The following ABTB2 variants were observed in gnomAD, a reference collection of about 807,000 sequenced individuals.
ABTB2 encodes ankyrin repeat and BTB/POZ domain-containing protein 2.
A neutral mutation model predicts 104.1 loss-of-function variants in ABTB2; 56 were observed. The observed-to-expected ratio is 0.54, with a 90% CI of 0.43 to 0.67. The LOEUF is 0.67. Among genes scored for constraint, ABTB2 ranks in the 30% least tolerant of loss-of-function variants. ABTB2 has a pLI of 0.00. For missense variants in ABTB2, 1,279 were observed against 1,407.7 expected (o/e 0.91, Z 1.46); for synonymous variants, 606 against 608.2 (o/e 1.00, Z 0.05).
intron 1 of ABTB2, among the ~76,000 whole-genome samples, chr11:34,279,275 C>T (rs1242691232): frequency 6.6e-6 from 1 of 152,110 alleles, no homozygotes; most frequent in East Asian, 1.9e-4. Flanking sequence ...TTATATTTAT[C>T]TTTTTAAATA....
rs760142185 is a variant in ABTB2 at position 34,344,706 on chromosome 11, C to T, written c.883+11995G>A. On this transcript the variant is annotated intron_variant, in intron 1 of 16. Transcript: ENST00000435224. ...AGAAACGGGGTTTCACCGTGTTGCCCGGTCTGATCTCGAACTCCTGGACTC... is the reference window on the plus strand; with the variant it reads ...AGAAACGGGGTTTCACCGTGTTGCCTGGTCTGATCTCGAACTCCTGGACTC... 3.3e-5 allele frequency among the ~76,000 whole-genome samples: 5 copies of T among 152,308 alleles called. No individual in the cohort carries two copies. The East Asian group carries it at 5.8e-4, about 18-fold the overall frequency.
intron 12 of ABTB2, 87 bp from the exon 13 acceptor site, chr11:34,160,095 G>A: frequency 2.3e-6 from 3 of 1,304,942 alleles, no homozygotes; most frequent in Non-Finnish European, 3.3e-6. Context: ...CGTGTCTGGG[G>A]TTGGGGGTGG....
chr11:34,286,083 G>C (rs1303167484), intron 1 of ABTB2, among the ~76,000 whole-genome samples: 1 of 151,976 alleles, frequency 6.6e-6, no homozygotes, highest in East Asian at 1.9e-4. Context: ...GCAGAGGCAG[G>C]ATGACTGCCT....
chr11:34,201,465 T>A (rs1220531986), intron 2 of ABTB2, among the ~76,000 whole-genome samples: 1 of 152,142 alleles, frequency 6.6e-6, no homozygotes, highest in East Asian at 1.9e-4. Flanking sequence ...CCCTTTAAAA[T>A]TTTTGCGGGT....
At position 34,310,718 on chromosome 11, in the gene ABTB2, C is replaced by T. The variant is rs771216294; in HGVS notation, c.883+45983G>A. On this transcript the variant is annotated intron_variant, in intron 1 of 16. Transcript: ENST00000435224. ...CAAGTCCTCCTACCCAACTGGGTCA[C>T]GGACCCCTGTTTAAGAAGGAACATG... Among the ~76,000 whole-genome samples the T allele has an allele frequency of 3.3e-5, 5 of 152,264 alleles. No individual in the cohort carries two copies. In the East Asian group the frequency reaches 5.8e-4, roughly 18 times the overall value.
rs544133452 is a variant in ABTB2 at position 34,182,922 on chromosome 11, T to C, written c.1245-9615A>G. 2.4e-4 allele frequency among the ~76,000 whole-genome samples: 37 copies of C among 152,204 alleles called. No homozygotes were observed. The East Asian group carries it at 7.2e-3, about 29-fold the overall frequency. Reference sequence around the variant, plus strand: ...GAGAGGTGAGGTCACTTGCCCTATGTCATGCACCTGCCAAGGAGCAGAGCT... The same window carrying C: ...GAGAGGTGAGGTCACTTGCCCTATGCCATGCACCTGCCAAGGAGCAGAGCT... On this transcript the variant is annotated intron_variant, in intron 3 of 16. Transcript: ENST00000435224.
chr11:34,350,708 C>T (rs1855388296), intron 1 of ABTB2, among the ~76,000 whole-genome samples: 1 of 152,350 alleles, frequency 6.6e-6, no homozygotes, highest in South Asian at 2.1e-4. Context: ...AGGCCATTAA[C>T]AAACAAGACC....
At chr11:34,330,615 G>A (rs1855117323) in intron 1 of ABTB2, among the ~76,000 whole-genome samples, 2 of 152,220 alleles carry the variant, frequency 1.3e-5, no homozygotes, top group Admixed American at 6.5e-5. Flanking sequence ...ACATCATAGT[G>A]TGGGGTAAAG....
At chr11:34,152,619 G>C in intron 16 of ABTB2, 35 bp from the exon 17 acceptor site, 1 of 1,577,806 alleles carries the variant, frequency 6.3e-7, no homozygotes. Flanking sequence ...GAAGCCCATC[G>C]CCTTAGTACA....
chr11:34,235,915 AG>A (rs1441319431), intron 1 of ABTB2, among the ~76,000 whole-genome samples: 1 of 152,222 alleles, frequency 6.6e-6, no homozygotes, highest in Non-Finnish European at 1.5e-5. Context: ...CAGGCAGCAA[AG>A]CCCTAAACAG....
At chr11:34,173,800 G>A (rs1852920979) in intron 3 of ABTB2, among the ~76,000 whole-genome samples, 1 of 152,194 alleles carries the variant, frequency 6.6e-6, no homozygotes, top group Non-Finnish European at 1.5e-5. Flanking sequence ...ACCCAGGGCT[G>A]CCACCAGCAG....
chr11:34,355,893 TC>T lies in ABTB2; in HGVS notation c.883+807del, dbSNP rs143959395. On this transcript the variant is annotated intron_variant, in intron 1 of 16. Coordinates refer to ENST00000435224, the MANE Select transcript of ABTB2 (RefSeq NM_145804.3). The stretch of plus-strand genomic sequence containing the variant: ...AAGTGCAACCACCCAATGGTTCCTT[TC>T]CCAGACTTGACCCCATGCGGTTACC... Among the ~76,000 whole-genome samples the T allele has an allele frequency of 4.1e-3, 619 of 152,290 alleles. 6 individuals are homozygous for T. Among genetic ancestry groups the T allele is most frequent in the African/African-American group, 0.014 (579 of 41,550 alleles).
At chr11:34,165,453 C>T in intron 7 of ABTB2, 97 bp from the exon 8 acceptor site, 1 of 974,978 alleles carries the variant, frequency 1.0e-6, no homozygotes, top group Non-Finnish European at 1.5e-6. Flanking sequence ...TTGCTTCTCT[C>T]CAGGCATGTG....
chr11:34,308,882 A>G (rs1453835691), intron 1 of ABTB2, among the ~76,000 whole-genome samples: 15 of 150,824 alleles, frequency 9.9e-5, no homozygotes, highest in Non-Finnish European at 1.5e-5. Context: ...AAAAAAAAAA[A>G]AAAAAGAAAA....
intron 1 of ABTB2, among the ~76,000 whole-genome samples, chr11:34,329,695 T>C (rs1303197986): frequency 6.6e-6 from 1 of 152,186 alleles, no homozygotes; most frequent in African/African-American, 2.4e-5. Flanking sequence ...GGCTGCCAGA[T>C]AATGGAGCCA....
At chr11:34,348,633 A>C (rs1855362288) in intron 1 of ABTB2, among the ~76,000 whole-genome samples, 1 of 152,258 alleles carries the variant, frequency 6.6e-6, no homozygotes, top group African/African-American at 2.4e-5. Context: ...CCAGACAGCC[A>C]GGAGTCATCT....
In ABTB2 at chr11:34,154,313, G is replaced by A; in HGVS notation, c.2832C>T (p.Ser944=). 2 of 1,614,096 alleles carry A rather than the reference G, an allele frequency of 1.2e-6. No homozygotes were observed. The highest frequency in any genetic ancestry group is 1.7e-6 in the Non-Finnish European group (2 of 1,180,004). Reference sequence around the variant, plus strand: ...CGGCACTCTCCATGCTGAGGGTCTGGGAGCACAGGATCTCGCAGTGCCTCT... The same window carrying A: ...CGGCACTCTCCATGCTGAGGGTCTGAGAGCACAGGATCTCGCAGTGCCTCT... The part of the protein sequence containing the change: ...ALQRHCEILC[S]QTLSMESAVN... The change falls in exon 16 of 17, where the codon TCC becomes TCT. Residue 944 remains serine, a synonymous_variant. Coordinates refer to ENST00000435224, the MANE Select transcript of ABTB2 (RefSeq NM_145804.3). This position sits in a 1 kb window ranked among gnomAD's most constrained non-coding sequence, Gnocchi z 4.9.
At chr11:34,182,218 T>TA (rs1418445881) in intron 3 of ABTB2, among the ~76,000 whole-genome samples, 6 of 152,146 alleles carry the variant, frequency 3.9e-5, no homozygotes, top group African/African-American at 1.4e-4. Flanking sequence ...CCACGTAGGA[T>TA]AAAAAACCAA....
chr11:34,153,018 C>T (rs1347123083), intron 16 of ABTB2, among the ~76,000 whole-genome samples: 1 of 152,074 alleles, frequency 6.6e-6, no homozygotes, highest in Non-Finnish European at 1.5e-5. Flanking sequence ...CTGCTGATGT[C>T]CTAGTTTGGG....
Sources: gnomAD v4.1 joint callset for allele counts (sites outside exome capture counted in the v4.1 genomes callset) on GRCh38, gnomAD v4.1.1 for gene constraint, Gnocchi (gnomAD v3.1) non-coding constraint, MANE v1.5 for transcripts, NCBI Gene and HGNC (gene_info 2026-07-23, HGNC 2026-07-21) for gene names.